SIK3: variants seen among roughly 807,000 people sequenced by gnomAD.
The protein encoded by SIK3 is SIK family kinase 3.
In SIK3, 28 loss-of-function variants were observed where a neutral mutation model predicts 144.2. That is an observed-to-expected ratio of 0.19 (90% CI 0.14 to 0.27). The LOEUF is 0.27. Ranked by LOEUF, SIK3 falls within the 10% of genes least tolerant of loss-of-function variation. The pLI is 1.00. For synonymous variants in SIK3, 686 were observed against 676.3 expected (o/e 1.01, Z -0.22); for missense variants, 1,319 against 1,776.0 (o/e 0.74, Z 4.62).
chr11:117,063,424 A>T (rs549821978), intron 1 of SIK3, among the ~76,000 whole-genome samples: 1 of 152,138 alleles, frequency 6.6e-6, no homozygotes, highest in South Asian at 2.1e-4. Context: ...CCTCTGCCCA[A>T]TGTAAAGTCA....
chr11:117,042,624 TA>T (rs1952796147), intron 1 of SIK3, among the ~76,000 whole-genome samples: 1 of 152,218 alleles, frequency 6.6e-6, no homozygotes, highest in East Asian at 1.9e-4. Flanking sequence ...ATGTTTTCAG[TA>T]AGCATTTTGC....
chr11:116,968,296 C>A (rs1949635780), intron 1 of SIK3, among the ~76,000 whole-genome samples: 1 of 152,158 alleles, frequency 6.6e-6, no homozygotes, highest in South Asian at 2.1e-4. Context: ...GCGCGCACCA[C>A]CATGCCCGGC....
chr11:116,965,440 A>T (rs1331348996), intron 1 of SIK3, among the ~76,000 whole-genome samples: 1 of 152,002 alleles, frequency 6.6e-6, no homozygotes, highest in Non-Finnish European at 1.5e-5. Context: ...GTCAATCAGG[A>T]TTATTTACAA....
chr11:116,854,575 G>A (rs538440863), intron 21 of SIK3, among the ~76,000 whole-genome samples: 78 of 152,270 alleles, frequency 5.1e-4, no homozygotes, highest in Non-Finnish European at 1.1e-3. Flanking sequence ...CATTCTCACA[G>A]CACCTACAGT....
chr11:116,875,254 A>G lies in SIK3; in HGVS notation c.1331T>C (p.Leu444Pro). ...ENQIVEPDGT[L>P]NLDSDEGEEP... ...TTCACCCTCATCACTGTCCAAATTC[A>G]GTGTCCCATCCGGCTGAGGTGGAGG... Residue 444 changes from leucine (L) to proline (P), a missense_variant, in exon 11 of 25, where the codon CTG (leucine) becomes CCG (proline). This residue lies in a region of SIK3 where 167 missense variants were observed against 263.3 expected (regional missense o/e 0.63). Coordinates refer to ENST00000445177, the MANE Select transcript of SIK3 (RefSeq NM_001366686.3). 1 of 1,614,150 alleles carries G rather than the reference A, an allele frequency of 6.2e-7. No homozygotes were observed. The highest frequency in any genetic ancestry group is 8.5e-7 in the Non-Finnish European group (1 of 1,179,996).
intron 6 of SIK3, among the ~76,000 whole-genome samples, chr11:116,895,380 C>T (rs1017897671): frequency 4.6e-5 from 7 of 151,962 alleles, no homozygotes; most frequent in African/African-American, 1.2e-4. Context: ...ATCCTAACTC[C>T]TTCTCTATTT....
At chr11:116,869,639 G>C (rs1458419824) in intron 14 of SIK3, 1 of 152,344 alleles carries the variant, frequency 6.6e-6, no homozygotes, top group Non-Finnish European at 1.5e-5. Flanking sequence ...CCCCTCCCCG[G>C]ATAATAAGAA....
intron 1 of SIK3, among the ~76,000 whole-genome samples, chr11:116,995,435 T>A (rs1157053884): frequency 1.3e-5 from 2 of 151,830 alleles, no homozygotes; most frequent in Non-Finnish European, 2.9e-5. Context: ...AGCTAATTTT[T>A]GTATTTTTGT....
intron 22 of SIK3, among the ~76,000 whole-genome samples, chr11:116,848,692 G>C (rs1230726038): frequency 1.3e-5 from 2 of 152,220 alleles, no homozygotes; most frequent in African/African-American, 4.8e-5. Context: ...TTGAATTAAG[G>C]TTTGGTCTGT....
chr11:116,939,209 G>A (rs1308288663), intron 3 of SIK3, among the ~76,000 whole-genome samples: 2 of 152,102 alleles, frequency 1.3e-5, no homozygotes, highest in Non-Finnish European at 2.9e-5. Flanking sequence ...GTGCAATGGC[G>A]CGGACTCAGC....
intron 1 of SIK3, among the ~76,000 whole-genome samples, chr11:117,006,705 G>C (rs945682691): frequency 2.6e-5 from 4 of 152,072 alleles, no homozygotes; most frequent in Non-Finnish European, 5.9e-5. Flanking sequence ...TAAAAGGAAA[G>C]CATGGGGGTA....
Position 117,030,474 on chromosome 11 carries a change from G to A in SIK3, c.273+67669C>T, listed in dbSNP as rs187860443. ...AAGTGATAAAAATACTCATGATATT[G>A]AGTATTGTGAAAAAAGCAAGACACA... On this transcript the variant is annotated intron_variant, in intron 1 of 24. Coordinates refer to ENST00000445177, the MANE Select transcript of SIK3 (RefSeq NM_001366686.3). Among the ~76,000 whole-genome samples, 121 of 152,196 alleles carry A rather than the reference G, an allele frequency of 8.0e-4. 1 individual carries two copies. The highest frequency in any genetic ancestry group is 2.9e-3 in the African/African-American group (119 of 41,530).
chr11:117,006,666 A>G (rs1369445684), intron 1 of SIK3, among the ~76,000 whole-genome samples: 1 of 152,060 alleles, frequency 6.6e-6, no homozygotes, highest in South Asian at 2.1e-4. Context: ...AGAAAGAAAA[A>G]AAAGATCTTC....
chr11:116,885,781 G>A (rs1944785767), intron 6 of SIK3, among the ~76,000 whole-genome samples: 1 of 152,156 alleles, frequency 6.6e-6, no homozygotes, highest in African/African-American at 2.4e-5. Context: ...CAGACTGCCT[G>A]GGTTCAAATC....
At chr11:116,984,706 C>CA (rs11440261) in intron 1 of SIK3, among the ~76,000 whole-genome samples, 17,981 of 151,992 alleles carry the variant, frequency 0.12, 1,754 homozygotes, top group African/African-American at 0.27. Context: ...CACACACACA[C>CA]CACAGACACC....
intron 1 of SIK3, among the ~76,000 whole-genome samples, chr11:117,082,756 G>C (rs988670600): frequency 1.3e-5 from 2 of 152,070 alleles, no homozygotes; most frequent in African/African-American, 4.8e-5. Context: ...TGAACTGTAT[G>C]GTCTGTGAAA....
intron 1 of SIK3, among the ~76,000 whole-genome samples, chr11:116,966,817 T>C (rs1431577287): frequency 2.6e-5 from 4 of 151,660 alleles, no homozygotes; most frequent in Non-Finnish European, 5.9e-5. Flanking sequence ...CTGGCCAACA[T>C]GGTGAAACCC....
chr11:117,012,814 T>C (rs990346825), intron 1 of SIK3, among the ~76,000 whole-genome samples: 6 of 149,508 alleles, frequency 4.0e-5, no homozygotes, highest in Non-Finnish European at 1.5e-5. Context: ...CATAATATAT[T>C]GAAATTCTTA....
chr11:116,858,144 G>A lies in SIK3; in HGVS notation c.3321C>T (p.Pro1107=). The A allele has an allele frequency of 1.9e-6, 3 of 1,614,168 alleles. No individual in the cohort carries two copies. Among genetic ancestry groups the A allele is most frequent in the Non-Finnish European group, 2.5e-6 (3 of 1,180,032 alleles). Residue 1107 remains proline, a synonymous_variant, in exon 21 of 25, where the codon CCC becomes CCT. Transcript: ENST00000445177. This position sits in a 1 kb window ranked among gnomAD's most constrained non-coding sequence, Gnocchi z 5.4. The part of the protein sequence containing the change: ...NADSYHHHTS[P]QHLLQIRAQE... The stretch of plus-strand genomic sequence containing the variant: ...GTGCCCTGATTTGTAGCAGATGCTG[G>A]GGGCTGGTGTGATGGTGATAAGAGT...
Sources: allele counts gnomAD v4.1 joint callset (sites outside exome capture counted in the v4.1 genomes callset), GRCh38; gene constraint gnomAD v4.1.1; regional missense constraint gnomAD v4.1.1; non-coding constraint Gnocchi (gnomAD v3.1); transcripts MANE v1.5; gene names NCBI Gene and HGNC (gene_info 2026-07-23, HGNC 2026-07-21).